Variants in CADM2 observed in about 807,000 individuals in gnomAD.
CADM2 encodes immunoglobulin superfamily member 4D.
A neutral mutation model predicts 49.8 loss-of-function variants in CADM2; 12 were observed. That is an observed-to-expected ratio of 0.24 (90% confidence interval 0.15 to 0.39). The LOEUF is 0.39. Among genes scored for constraint, CADM2 ranks in the 10% least tolerant of loss-of-function variants. The pLI is 1.00. For synonymous variants in CADM2, 214 were observed against 175.4 expected, an observed-to-expected ratio of 1.22 and a Z score of -1.74; for missense variants, 378 against 492.3, an observed-to-expected ratio of 0.77 and a Z score of 2.20.
rs34787908 is a variant in CADM2 at position 85,922,828 on chromosome 3, G to GTT, written c.700+10295_700+10296dup. On this transcript the variant is annotated intron_variant, in intron 6 of 9. Transcript: ENST00000383699. ...AAAACTAAAATATATATTTTTTGTT[G>GTT]TTTTTTTTTTTGAGATGGAGTCTCG... Among the ~76,000 whole-genome samples, 1,262 of 145,432 alleles carry GTT rather than the reference G, an allele frequency of 8.7e-3. 7 individuals carry two copies. Among genetic ancestry groups the GTT allele is most frequent in the African/African-American group, 0.011 (420 of 39,660 alleles).
chr3:86,015,176 T>G (rs1297923810), intron 8 of CADM2: 1 of 446,776 alleles, frequency 2.2e-6, no homozygotes, highest in Non-Finnish European at 4.0e-6. Context: ...AAAAGCCATA[T>G]GGTGTATGTA....
chr3:86,045,568 C>G (rs1338431355), intron 8 of CADM2, among the ~76,000 whole-genome samples: 1 of 152,138 alleles, frequency 6.6e-6, no homozygotes, highest in Admixed American at 6.6e-5. Flanking sequence ...AACCGCCCTT[C>G]TCCCATTGTT....
chr3:85,580,265 T>C (rs1441151644), intron 1 of CADM2, among the ~76,000 whole-genome samples: 2 of 152,178 alleles, frequency 1.3e-5, no homozygotes, highest in East Asian at 3.9e-4. Flanking sequence ...GGACAGTATC[T>C]TCAACAGAAT....
intron 1 of CADM2, among the ~76,000 whole-genome samples, chr3:85,396,104 A>C (rs56249342): frequency 6.6e-6 from 1 of 151,450 alleles, no homozygotes; most frequent in Non-Finnish European, 1.5e-5. Flanking sequence ...AGAAAGTCTA[A>C]TGTTTCAAAA....
chr3:85,633,732 G>C (rs118177418), intron 1 of CADM2, among the ~76,000 whole-genome samples: 1 of 151,948 alleles, frequency 6.6e-6, no homozygotes, highest in East Asian at 1.9e-4. Context: ...GATGGGAGGA[G>C]AATAAATTTC....
At chr3:85,785,814 T>C (rs1317538861) in intron 2 of CADM2, among the ~76,000 whole-genome samples, 2 of 152,118 alleles carry the variant, frequency 1.3e-5, no homozygotes, top group African/African-American at 2.4e-5. Flanking sequence ...GCTTCCATTT[T>C]CTTGTACAAC....
chr3:86,049,236 C>A (rs1737047345), intron 8 of CADM2, among the ~76,000 whole-genome samples: 1 of 151,688 alleles, frequency 6.6e-6, no homozygotes, highest in Admixed American at 6.6e-5. Flanking sequence ...ACAGAAAGAC[C>A]TAAGACTGGG....
intron 1 of CADM2, among the ~76,000 whole-genome samples, chr3:85,466,760 C>T (rs1001132598): frequency 2.6e-5 from 4 of 151,414 alleles, no homozygotes; most frequent in Non-Finnish European, 4.4e-5. Context: ...AAAATTATTA[C>T]CTTGCTGTAT....
Position 85,354,379 on chromosome 3 carries a change from G to A in CADM2, c.62-372143G>A, listed in dbSNP as rs528285719. 2.7e-3 allele frequency among the ~76,000 whole-genome samples: 397 copies of A among 148,590 alleles called. 1 individual carries two copies. Among genetic ancestry groups the A allele is most frequent in the African/African-American group, 8.5e-3 (344 of 40,422 alleles). On this transcript the variant is annotated intron_variant, in intron 1 of 9. Transcript: ENST00000383699. ...GGGGTGGGGGGAGGGGGGAGGGATA[G>A]CATTAAGAGATACACCTAATGCTAA...
At chr3:85,016,966 G>A (rs1251252586) in intron 1 of CADM2, among the ~76,000 whole-genome samples, 1 of 152,106 alleles carries the variant, frequency 6.6e-6, no homozygotes, top group African/African-American at 2.4e-5. Context: ...TCTAGATTGG[G>A]AGGATGCTTG....
At chr3:85,356,350 C>T (rs2031855854) in intron 1 of CADM2, among the ~76,000 whole-genome samples, 2 of 151,902 alleles carry the variant, frequency 1.3e-5, no homozygotes, top group African/African-American at 4.8e-5. Context: ...GAAGGAAGAG[C>T]TGTGGTGAGA....
At chr3:86,050,253 CCTT>C (rs1737185046) in intron 8 of CADM2, among the ~76,000 whole-genome samples, 1 of 152,196 alleles carries the variant, frequency 6.6e-6, no homozygotes, top group Non-Finnish European at 1.5e-5. Context: ...AAAATAATCT[CCTT>C]CTACTCCATG....
chr3:85,154,791 T>C (rs1021875613), intron 1 of CADM2, among the ~76,000 whole-genome samples: 2 of 145,106 alleles, frequency 1.4e-5, no homozygotes, highest in Non-Finnish European at 3.0e-5. Flanking sequence ...TATTCAACAT[T>C]CTTAAAGAAA....
rs979978247 is a variant in CADM2 at position 85,197,257 on chromosome 3, A to G, written c.61+237589A>G. ...GTTAGAGGTAGAGAAAAAAAAACAC[A>G]TCCTACATAATTTTATAAACACAGT... On this transcript the variant is annotated intron_variant, in intron 1 of 9. Transcript: ENST00000383699. Among the ~76,000 whole-genome samples, 6 of 152,032 alleles carry G rather than the reference A, an allele frequency of 3.9e-5. No individual in the cohort carries two copies. The East Asian group carries it at 7.7e-4, about 20-fold the overall frequency.
At chr3:86,035,461 C>T (rs544557794) in intron 8 of CADM2, among the ~76,000 whole-genome samples, 3 of 152,094 alleles carry the variant, frequency 2.0e-5, no homozygotes, top group African/African-American at 7.2e-5. Context: ...GTTCTGAGAT[C>T]ACGTTTTTCA....
intron 3 of CADM2, among the ~76,000 whole-genome samples, chr3:85,873,971 T>G (rs1384781506): frequency 6.6e-6 from 1 of 152,048 alleles, no homozygotes; most frequent in Non-Finnish European, 1.5e-5. Flanking sequence ...AGCAAAAATA[T>G]ATTGGCAATG....
intron 1 of CADM2, among the ~76,000 whole-genome samples, chr3:85,477,243 AACAC>A (rs139955724): frequency 2.7e-4 from 39 of 144,850 alleles, no homozygotes; most frequent in African/African-American, 6.9e-4. Context: ...GATTCCCTTA[AACAC>A]ACACACACAC....
chr3:84,966,853 T>C (rs907891044), intron 1 of CADM2, among the ~76,000 whole-genome samples: 6 of 152,000 alleles, frequency 3.9e-5, no homozygotes, highest in African/African-American at 7.2e-5. Context: ...TGTCTAGTCA[T>C]AGTTAAGGAG....
intron 8 of CADM2, among the ~76,000 whole-genome samples, chr3:86,051,897 C>A (rs1203811934): frequency 6.6e-6 from 1 of 152,148 alleles, no homozygotes; most frequent in Non-Finnish European, 1.5e-5. Flanking sequence ...TGCCCTACCT[C>A]CAACCCTGGG....
Sources: allele counts gnomAD v4.1 joint callset (sites outside exome capture counted in the v4.1 genomes callset), GRCh38; gene constraint gnomAD v4.1.1; transcripts MANE v1.5; gene names NCBI Gene and HGNC (gene_info 2026-07-23, HGNC 2026-07-21).